CARF: variants seen among roughly 807,000 people sequenced by gnomAD.
CARF encodes the protein calcium-responsive transcription factor.
CARF carries 57 observed loss-of-function variants against 82.0 expected under a neutral mutation model. That is an observed-to-expected ratio of 0.70 (90% CI 0.56 to 0.87). The LOEUF (loss-of-function observed/expected upper bound fraction) is 0.87. Ranked by LOEUF, CARF falls within the 40% of genes least tolerant of loss-of-function variation. The probability of loss-of-function intolerance (pLI) is 0.00; values close to 1 mark genes in which losing one functional copy is unlikely to be tolerated. For missense variants in CARF, 771 were observed against 855.8 expected (o/e 0.90, Z 1.24); for synonymous variants, 268 against 290.1 (o/e 0.92, Z 0.77).
intron 10 of CARF, among the ~76,000 whole-genome samples, chr2:202,968,550 C>A (rs538150459): frequency 1.3e-5 from 2 of 148,950 alleles, no homozygotes; most frequent in East Asian, 3.9e-4. Flanking sequence ...TTTTTTTTTT[C>A]CATTTAGCCT....
intron 13 of CARF, among the ~76,000 whole-genome samples, chr2:202,976,158 G>A (rs1002492629): frequency 6.6e-6 from 1 of 151,832 alleles, no homozygotes; most frequent in Non-Finnish European, 1.5e-5. Context: ...TATGCCATCT[G>A]TGGATATCAG....
chr2:202,966,168 TC>T (rs2059541850), intron 9 of CARF, among the ~76,000 whole-genome samples: 3 of 152,276 alleles, frequency 2.0e-5, no homozygotes, highest in Middle Eastern at 3.4e-3. Flanking sequence ...AAAAATTACT[TC>T]CTACCACTTT....
intron 2 of CARF, among the ~76,000 whole-genome samples, chr2:202,923,382 G>A (rs1559186795): frequency 6.6e-6 from 1 of 152,180 alleles, no homozygotes; most frequent in Non-Finnish European, 1.5e-5. Flanking sequence ...TGTTACGATA[G>A]CTGCAAAAAA....
At chr2:202,964,502 A>C (rs72926800) in intron 9 of CARF, among the ~76,000 whole-genome samples, 13,569 of 151,972 alleles carry the variant, frequency 0.089, 740 homozygotes, top group Non-Finnish European at 0.12. Flanking sequence ...GCTGGTCTCA[A>C]ACTCCTACAC....
At position 202,933,070 on chromosome 2, in the gene CARF, T is replaced by C. The variant is rs191557528; in HGVS notation, c.-44+8655T>C. ...TTATGCACTGGAGAGGCATGACTGC[T>C]CTGAGCAGCTAAGGTACTGTTTCCC... On this transcript the variant is annotated intron_variant, in intron 3 of 16. Coordinates refer to ENST00000438828, the MANE Select transcript of CARF (RefSeq NM_024744.17). 4.6e-5 allele frequency among the ~76,000 whole-genome samples: 7 copies of C among 152,234 alleles called. No individual in the cohort carries two copies. In the East Asian group the frequency reaches 1.4e-3, roughly 29 times the overall value.
At chr2:202,953,605 G>A (rs2058876474) in intron 6 of CARF, among the ~76,000 whole-genome samples, 1 of 141,094 alleles carries the variant, frequency 7.1e-6, no homozygotes, top group Admixed American at 7.6e-5. Context: ...AATGGTTTAG[G>A]GCAGATATTT....
chr2:202,918,840 T>C (rs1331862577), intron 2 of CARF, among the ~76,000 whole-genome samples: 1 of 152,184 alleles, frequency 6.6e-6, no homozygotes, highest in African/African-American at 2.4e-5. Context: ...AACCAACTTT[T>C]CCGTATAGAA....
chr2:202,971,459 T>A, intron 11 of CARF, 46 bp from the exon 12 acceptor site: 1 of 1,160,618 alleles, frequency 8.6e-7, no homozygotes. Flanking sequence ...TATTAAATAA[T>A]TTTAATGTTT....
intron 3 of CARF, among the ~76,000 whole-genome samples, chr2:202,941,497 A>G (rs912174795): frequency 3.3e-5 from 5 of 152,190 alleles, no homozygotes; most frequent in Non-Finnish European, 7.3e-5. Flanking sequence ...GGCATACCCA[A>G]CTCATAAAGT....
intron 3 of CARF, among the ~76,000 whole-genome samples, chr2:202,932,688 G>A (rs1693152523): frequency 6.6e-6 from 1 of 152,102 alleles, no homozygotes; most frequent in Admixed American, 6.5e-5. Flanking sequence ...GCCCCAGAAT[G>A]GTGGAGTACA....
Position 202,942,936 on chromosome 2 carries a change from T to C in CARF, c.275T>C (p.Leu92Pro). 6.2e-7 allele frequency: 1 copy of C among 1,614,140 alleles called. No homozygotes were observed. The highest frequency in any genetic ancestry group is 8.5e-7 in the Non-Finnish European group (1 of 1,180,016). The change falls in exon 5 of 17, where the codon CTT becomes CCT. Residue 92 changes from leucine (L) to proline (P), a missense_variant. Leu to Pro is a moderately conservative substitution (Grantham distance 98). Coordinates refer to ENST00000438828, the MANE Select transcript of CARF (RefSeq NM_024744.17). ...DQNGQAIQYE[L>P]QSLGESNAQM... ...AATGGGCAGGCTATTCAATATGAACTTCAGTCATTGGGGGAATCCAATGCA... is the reference window on the plus strand; with the variant it reads ...AATGGGCAGGCTATTCAATATGAACCTCAGTCATTGGGGGAATCCAATGCA...
chr2:202,965,022 T>A (rs1024712972), intron 9 of CARF, among the ~76,000 whole-genome samples: 5 of 152,048 alleles, frequency 3.3e-5, no homozygotes, highest in African/African-American at 7.2e-5. Flanking sequence ...CACAGGTTTT[T>A]TTTCCTCTCC....
chr2:202,986,901 T>TATACAC lies in CARF; in HGVS notation c.*3280_*3281insCACATA. The TATACAC allele has an allele frequency of 7.3e-6, 1 of 137,304 alleles. No individual in the cohort carries two copies. The highest frequency in any genetic ancestry group is 2.1e-4 in the East Asian group (1 of 4,866). The allele number at this position is 137,304 out of a possible 1,614,324, so 8.5% of individuals were successfully genotyped here. A position where few individuals can be genotyped will look rare whatever the true frequency, so the allele number is the denominator to read the frequency against. ...ATATATATATATATATATATATATA[T>TATACAC]ATATATAGCAACTTGATGTATAGTG... On this transcript the variant is annotated 3_prime_UTR_variant, in exon 17 of 17. Coordinates refer to ENST00000438828, the MANE Select transcript of CARF (RefSeq NM_024744.17).
chr2:202,939,848 A>G (rs770541045), intron 3 of CARF, among the ~76,000 whole-genome samples: 1 of 151,088 alleles, frequency 6.6e-6, no homozygotes, highest in African/African-American at 2.4e-5. Context: ...ACCACCAGAC[A>G]TGGCTGATTG....
At chr2:202,926,096 T>C (rs1407986076) in intron 3 of CARF, among the ~76,000 whole-genome samples, 1 of 152,132 alleles carries the variant, frequency 6.6e-6, no homozygotes, top group Non-Finnish European at 1.5e-5. Context: ...TGTCCTGCAA[T>C]GAATGCCACT....
At chr2:202,966,352 T>G (rs765817941) in intron 9 of CARF, among the ~76,000 whole-genome samples, 31 of 152,120 alleles carry the variant, frequency 2.0e-4, no homozygotes, top group Non-Finnish European at 4.0e-4. Flanking sequence ...AAATAAAAAT[T>G]TAAATGATAC....
At chr2:202,980,272 C>T (rs2060194656) in intron 14 of CARF, among the ~76,000 whole-genome samples, 1 of 152,030 alleles carries the variant, frequency 6.6e-6, no homozygotes, top group Non-Finnish European at 1.5e-5. Context: ...ATTAGTTCTT[C>T]ACTGACTTAA....
chr2:202,922,254 C>T (rs370298147), intron 2 of CARF, among the ~76,000 whole-genome samples: 5 of 152,016 alleles, frequency 3.3e-5, no homozygotes, highest in Non-Finnish European at 7.4e-5. Flanking sequence ...GCTGGGACCA[C>T]GACACATGCC....
chr2:202,939,190 T>C (rs538675261), intron 3 of CARF, among the ~76,000 whole-genome samples: 4 of 152,358 alleles, frequency 2.6e-5, no homozygotes, highest in African/African-American at 9.6e-5. Context: ...TCTTTAGTTT[T>C]GAAAAATTGC....
Sources: allele counts gnomAD v4.1 joint callset (sites outside exome capture counted in the v4.1 genomes callset), GRCh38; gene constraint gnomAD v4.1.1; transcripts MANE v1.5; gene names NCBI Gene and HGNC (gene_info 2026-07-23, HGNC 2026-07-21).